HECW1: variants seen among roughly 807,000 people sequenced by gnomAD.
The protein encoded by HECW1 is HECT, C2 and WW domain containing E3 ubiquitin protein ligase 1, also known as E3 ubiquitin-protein ligase HECW1.
A neutral mutation model predicts 182.3 loss-of-function variants in HECW1; 61 were observed. That is an observed-to-expected ratio of 0.33 (90% CI 0.27 to 0.41). The LOEUF is 0.41. Among genes scored for constraint, HECW1 ranks in the 10% least tolerant of loss-of-function variants. The pLI is 1.00. For synonymous variants in HECW1, 859 were observed against 832.6 expected (o/e 1.03, Z -0.55); for missense variants, 1,739 against 2,108.9 (o/e 0.82, Z 3.44).
Position 43,444,826 on chromosome 7 carries a change from G to T in HECW1, c.1654G>T (p.Asp552Tyr). The change falls in exon 11 of 30, where the codon GAC becomes TAC. Residue 552 changes from aspartate (D) to tyrosine (Y), a missense_variant. Coordinates refer to ENST00000395891, the MANE Select transcript of HECW1 (RefSeq NM_015052.5). This position sits in a 1 kb window ranked among gnomAD's most constrained non-coding sequence, Gnocchi z 4.3. ...LETVIASACG[D>Y]PETPRTHYIR... ...GACGGTGATCGCGTCAGCCTGCGGG[G>T]ACCCCGAGACCCCGCGGACACACTA... is the stretch of plus-strand genomic sequence containing the variant. 1 of 1,613,896 alleles carries T rather than the reference G, an allele frequency of 6.2e-7. No homozygotes were observed. The highest frequency in any genetic ancestry group is 1.1e-5 in the South Asian group (1 of 91,070).
At chr7:43,523,691 T>C (rs889795326) in intron 24 of HECW1, among the ~76,000 whole-genome samples, 2 of 152,056 alleles carry the variant, frequency 1.3e-5, no homozygotes, top group African/African-American at 4.8e-5. Flanking sequence ...GGGAAATAAA[T>C]GGCAAGTGTA....
At chr7:43,225,644 G>A (rs577888690) in intron 2 of HECW1, among the ~76,000 whole-genome samples, 39 of 152,236 alleles carry the variant, frequency 2.6e-4, no homozygotes, top group African/African-American at 9.4e-4. Context: ...CCTATAATGT[G>A]AGGAACTTTT....
intron 8 of HECW1, among the ~76,000 whole-genome samples, chr7:43,415,420 C>G (rs1203383700): frequency 1.3e-5 from 2 of 148,314 alleles, no homozygotes; most frequent in Admixed American, 1.3e-4. Context: ...ATGGGCTTCC[C>G]TTTGAGGGTA....
At chr7:43,492,338 T>A (rs2078963957) in intron 18 of HECW1, among the ~76,000 whole-genome samples, 158 bp downstream of exon 18, 1 of 152,142 alleles carries the variant, frequency 6.6e-6, no homozygotes, top group Admixed American at 6.5e-5. Flanking sequence ...CCCCGACCCC[T>A]GCTACCATCC....
chr7:43,541,751 A>C, intron 25 of HECW1, 118 bp from the exon 26 acceptor site: 1 of 924,228 alleles, frequency 1.1e-6, no homozygotes, highest in Non-Finnish European at 1.5e-6. Context: ...ATTCAAAAGT[A>C]TCCAATTGTT....
At chr7:43,271,466 C>A (rs931032366) in intron 3 of HECW1, among the ~76,000 whole-genome samples, 2 of 152,148 alleles carry the variant, frequency 1.3e-5, no homozygotes, top group Middle Eastern at 3.2e-3. Flanking sequence ...ACCCTAAGGA[C>A]TCTGTCAAAA....
intron 16 of HECW1, among the ~76,000 whole-genome samples, chr7:43,470,064 G>A (rs976193471): frequency 6.6e-6 from 1 of 152,200 alleles, no homozygotes; most frequent in African/African-American, 2.4e-5. Flanking sequence ...TGAATCTCCA[G>A]GACCAGCTCC....
intron 2 of HECW1, among the ~76,000 whole-genome samples, chr7:43,134,516 T>C (rs908310781): frequency 6.6e-6 from 1 of 152,068 alleles, no homozygotes; most frequent in Non-Finnish European, 1.5e-5. Flanking sequence ...TTAAATTTAA[T>C]TTTTTTAAAG....
At chr7:43,226,798 G>A (rs142596090) in intron 2 of HECW1, among the ~76,000 whole-genome samples, 7 of 152,290 alleles carry the variant, frequency 4.6e-5, no homozygotes, top group Admixed American at 1.3e-4. Context: ...AGAGCCTGGC[G>A]TCTCCCGCAC....
intron 6 of HECW1, among the ~76,000 whole-genome samples, chr7:43,364,304 C>T (rs1816340791): frequency 6.6e-6 from 1 of 152,184 alleles, no homozygotes; most frequent in Non-Finnish European, 1.5e-5. Context: ...CCATGGGCAA[C>T]TGTTGAGGTC....
At chr7:43,256,160 A>G (rs1562742168) in intron 3 of HECW1, among the ~76,000 whole-genome samples, 1 of 152,228 alleles carries the variant, frequency 6.6e-6, no homozygotes, top group Non-Finnish European at 1.5e-5. Context: ...TCTTTAAGGC[A>G]AAGAATAATG....
At chr7:43,323,348 C>G (rs868774776) in intron 5 of HECW1, among the ~76,000 whole-genome samples, 2 of 152,152 alleles carry the variant, frequency 1.3e-5, no homozygotes, top group Non-Finnish European at 2.9e-5. Context: ...GTAATCCCAG[C>G]TTTGGGAGGC....
rs561613011 is a variant in HECW1 at position 43,198,342 on chromosome 7, CTCA to C, written c.-31-45528_-31-45526del. Among the ~76,000 whole-genome samples, 333 of 150,428 alleles carry C rather than the reference CTCA, an allele frequency of 2.2e-3. 2 individuals carry two copies. Among genetic ancestry groups the C allele is most frequent in the Admixed American group, 3.7e-3 (56 of 15,114 alleles). On this transcript the variant is annotated intron_variant, in intron 2 of 29. Transcript: ENST00000395891. ...CACTTACACACACATCCTACATACA[CTCA>C]TCATAGTCACACACCCCACGCTCTC... is the stretch of plus-strand genomic sequence containing the variant.
chr7:43,270,198 G>A (rs552849474), intron 3 of HECW1, among the ~76,000 whole-genome samples: 11 of 152,132 alleles, frequency 7.2e-5, no homozygotes, highest in Non-Finnish European at 1.0e-4. Context: ...ATAGTCTCTC[G>A]TGGTTTCTGC....
At chr7:43,397,104 A>G (rs1456598987) in intron 7 of HECW1, among the ~76,000 whole-genome samples, 1 of 152,234 alleles carries the variant, frequency 6.6e-6, no homozygotes, top group African/African-American at 2.4e-5. Flanking sequence ...ATGTGAAAGC[A>G]TGTTGAGATG....
intron 8 of HECW1, among the ~76,000 whole-genome samples, chr7:43,412,374 T>C (rs566169283): frequency 6.6e-6 from 1 of 151,934 alleles, no homozygotes; most frequent in Non-Finnish European, 1.5e-5. Flanking sequence ...GAAAAAAATA[T>C]AGTCCTTAAT....
At chr7:43,275,509 T>C (rs953191926) in intron 3 of HECW1, among the ~76,000 whole-genome samples, 1 of 152,238 alleles carries the variant, frequency 6.6e-6, no homozygotes, top group Non-Finnish European at 1.5e-5. Flanking sequence ...TTAGTAAGCA[T>C]TGTTTTTATC....
At chr7:43,556,611 C>A (rs183030426) in intron 29 of HECW1, among the ~76,000 whole-genome samples, 1 of 151,816 alleles carries the variant, frequency 6.6e-6, no homozygotes, top group Non-Finnish European at 1.5e-5. Flanking sequence ...TGACTTGAGC[C>A]CAGGAGGCTG....
intron 6 of HECW1, among the ~76,000 whole-genome samples, chr7:43,385,952 G>T (rs183640578): frequency 6.6e-5 from 10 of 152,336 alleles, no homozygotes; most frequent in African/African-American, 1.7e-4. Context: ...TCATCTGGAA[G>T]TTCTGTGGAA....
Sources: gnomAD v4.1 joint callset for allele counts (sites outside exome capture counted in the v4.1 genomes callset) on GRCh38, gnomAD v4.1.1 for gene constraint, Gnocchi (gnomAD v3.1) non-coding constraint, MANE v1.5 for transcripts, NCBI Gene and HGNC (gene_info 2026-07-23, HGNC 2026-07-21) for gene names.